The following KCNQ5 variants were observed in gnomAD, a reference collection of about 807,000 sequenced individuals.
KCNQ5 encodes the protein potassium voltage-gated channel subfamily KQT member 5.
Under a neutral mutation model 98.2 loss-of-function variants are expected in KCNQ5, and 30 were observed. The ratio of observed to expected loss-of-function variants is 0.31; its 90% confidence interval spans 0.23 to 0.41. KCNQ5 has a LOEUF of 0.41. KCNQ5 is among the 10% of genes least tolerant of loss of function. The pLI is 1.00. For synonymous variants in KCNQ5, 458 were observed against 449.4 expected (o/e 1.02, Z -0.24); for missense variants, 835 against 1,182.5 (o/e 0.71, Z 4.31).
intron 10 of KCNQ5, among the ~76,000 whole-genome samples, chr6:73,164,720 C>A (rs1777729705): frequency 6.8e-6 from 1 of 147,910 alleles, no homozygotes; most frequent in African/African-American, 2.7e-5. Context: ...AATTAAAGGA[C>A]TCTATATTTT....
chr6:72,709,817 A>T (rs538048312), intron 1 of KCNQ5, among the ~76,000 whole-genome samples: 39 of 152,296 alleles, frequency 2.6e-4, no homozygotes, highest in Middle Eastern at 6.8e-3. Flanking sequence ...TTAATTTATT[A>T]AAAAAATGTA....
intron 1 of KCNQ5, among the ~76,000 whole-genome samples, chr6:72,679,642 G>A (rs1317796929): frequency 1.3e-5 from 2 of 151,798 alleles, no homozygotes; most frequent in African/African-American, 4.8e-5. Flanking sequence ...GTTAATGGGT[G>A]CAGCACACCA....
intron 1 of KCNQ5, among the ~76,000 whole-genome samples, chr6:72,761,518 C>T (rs1256481537): frequency 6.6e-6 from 1 of 151,620 alleles, no homozygotes; most frequent in Admixed American, 6.6e-5. Flanking sequence ...GTACATGGTT[C>T]TTAATAACCT....
rs147121576 is a variant in KCNQ5, at chr6:72,682,932, G to A, written c.398+60345G>A. Among the ~76,000 whole-genome samples the A allele has an allele frequency of 1.5e-3, 224 of 152,280 alleles. 1 individual carries two copies. Among genetic ancestry groups the A allele is most frequent in the African/African-American group, 5.0e-3 (206 of 41,560 alleles). ...CTTTACGTTTTTATGTTGAAAAGAG[G>A]AGCTGATCGCTGCCCCACTTAGAAA... is the stretch of plus-strand genomic sequence containing the variant. On this transcript the variant is annotated intron_variant, in intron 1 of 13. Coordinates refer to ENST00000370398, the MANE Select transcript of KCNQ5 (RefSeq NM_019842.4).
At chr6:72,832,260 T>C (rs915200329) in intron 1 of KCNQ5, among the ~76,000 whole-genome samples, 9 of 152,140 alleles carry the variant, frequency 5.9e-5, no homozygotes, top group Admixed American at 3.3e-4. Context: ...TTTGGAAGAA[T>C]GAGAGGAAAG....
At chr6:72,889,880 G>A (rs917874472) in intron 1 of KCNQ5, among the ~76,000 whole-genome samples, 1 of 152,120 alleles carries the variant, frequency 6.6e-6, no homozygotes, top group Non-Finnish European at 1.5e-5. Context: ...AAGCCTTCTT[G>A]GACATTTGCT....
At chr6:73,025,623 C>CAAAAAAAAAAAAAAAAA (rs58607159) in intron 2 of KCNQ5, among the ~76,000 whole-genome samples, 63 of 53,000 alleles carry the variant, frequency 1.2e-3, no homozygotes, top group Middle Eastern at 9.6e-3. Context: ...AACTCCATCT[C>CAAAAAAAAAAAAAAAAA]AAAAAAAAAA....
intron 1 of KCNQ5, among the ~76,000 whole-genome samples, chr6:72,953,762 A>T (rs1766915053): frequency 6.6e-6 from 1 of 152,220 alleles, no homozygotes; most frequent in South Asian, 2.1e-4. Context: ...AGACTTCCTC[A>T]AGATATGTAT....
At chr6:72,668,177 G>A (rs902928557) in intron 1 of KCNQ5, among the ~76,000 whole-genome samples, 12 of 152,254 alleles carry the variant, frequency 7.9e-5, no homozygotes, top group Admixed American at 4.6e-4. Flanking sequence ...AGTACAGGGT[G>A]TACAATTTTT....
chr6:73,095,553 C>G (rs1192617408), intron 5 of KCNQ5, among the ~76,000 whole-genome samples: 2 of 152,124 alleles, frequency 1.3e-5, no homozygotes, highest in Non-Finnish European at 1.5e-5. Flanking sequence ...TGGGTAGGCT[C>G]TGTCAGAGGG....
chr6:72,938,191 A>C (rs1344160978), intron 1 of KCNQ5, among the ~76,000 whole-genome samples: 1 of 152,166 alleles, frequency 6.6e-6, no homozygotes, highest in Non-Finnish European at 1.5e-5. Flanking sequence ...GCATTTCCTG[A>C]GGCACTGGGG....
At chr6:72,671,816 A>T (rs932920919) in intron 1 of KCNQ5, among the ~76,000 whole-genome samples, 4 of 148,734 alleles carry the variant, frequency 2.7e-5, no homozygotes, top group East Asian at 2.0e-4. Context: ...ATCACCAGAA[A>T]TTTTTTTTTT....
chr6:72,863,499 A>G (rs1777851461), intron 1 of KCNQ5, among the ~76,000 whole-genome samples: 1 of 152,220 alleles, frequency 6.6e-6, no homozygotes, highest in African/African-American at 2.4e-5. Flanking sequence ...GCCATTACAC[A>G]CAGTGCATTT....
At chr6:73,121,435 GA>G (rs779382641) in intron 8 of KCNQ5, among the ~76,000 whole-genome samples, 27 of 151,974 alleles carry the variant, frequency 1.8e-4, no homozygotes, top group Admixed American at 3.9e-4. Context: ...CCTAATTAAA[GA>G]AGTCCTCATT....
At chr6:72,986,765 C>G (rs939254873) in intron 1 of KCNQ5, 1 of 1,479,844 alleles carries the variant, frequency 6.8e-7, no homozygotes, top group Non-Finnish European at 9.4e-7. Context: ...AGACCCCAGA[C>G]AGGGTGAAGA....
chr6:72,883,685 G>C (rs1323066899), intron 1 of KCNQ5, among the ~76,000 whole-genome samples: 2 of 152,178 alleles, frequency 1.3e-5, no homozygotes. Context: ...GAACTGAACA[G>C]AAAAGTTCCC....
At chr6:72,658,936 G>T (rs114903809) in intron 1 of KCNQ5, among the ~76,000 whole-genome samples, 2,918 of 152,098 alleles carry the variant, frequency 0.019, 76 homozygotes, top group African/African-American at 0.065. Flanking sequence ...TTTTACAGTT[G>T]TTCATGGCTT....
chr6:72,973,052 A>G (rs993894464), intron 1 of KCNQ5, among the ~76,000 whole-genome samples: 4 of 152,192 alleles, frequency 2.6e-5, no homozygotes, highest in South Asian at 2.1e-4. Flanking sequence ...TCACTAAATC[A>G]AACTGAAAAG....
chr6:72,910,558 AGGGG>A (rs79662024), intron 1 of KCNQ5, among the ~76,000 whole-genome samples: 2 of 116,196 alleles, frequency 1.7e-5, no homozygotes, highest in South Asian at 3.1e-4. Context: ...ATGGAAAGGT[AGGGG>A]GGTGTGTGTG....
Sources: gnomAD v4.1 joint callset for allele counts (sites outside exome capture counted in the v4.1 genomes callset) on GRCh38, gnomAD v4.1.1 for gene constraint, MANE v1.5 for transcripts, NCBI Gene and HGNC (gene_info 2026-07-23, HGNC 2026-07-21) for gene names.